Variants in RAB3C observed in about 807,000 individuals in gnomAD.
The protein encoded by RAB3C is ras-related protein Rab-3C.
Under a neutral mutation model 26.4 loss-of-function variants are expected in RAB3C, and 17 were observed. The ratio of observed to expected loss-of-function variants is 0.64; its 90% CI spans 0.44 to 0.97. RAB3C has a LOEUF of 0.97. Ranked by LOEUF, RAB3C falls within the 50% of genes least tolerant of loss-of-function variation. RAB3C has a pLI of 0.00. For synonymous variants in RAB3C, 91 were observed against 95.9 expected (o/e 0.95, Z 0.30); for missense variants, 242 against 281.9 (o/e 0.86, Z 1.01).
intron 2 of RAB3C, among the ~76,000 whole-genome samples, chr5:58,638,824 G>A (rs977554079): frequency 6.6e-6 from 1 of 152,220 alleles, no homozygotes; most frequent in African/African-American, 2.4e-5. Flanking sequence ...TCAAAATATA[G>A]TAACAGGTGT....
At chr5:58,731,172 A>G (rs1741011955) in intron 3 of RAB3C, among the ~76,000 whole-genome samples, 1 of 152,130 alleles carries the variant, frequency 6.6e-6, no homozygotes. Context: ...CAGAGAGAGT[A>G]GCAAGCAGCG....
intron 2 of RAB3C, among the ~76,000 whole-genome samples, chr5:58,717,721 A>T (rs1035394): frequency 0.72 from 109,626 of 152,064 alleles, 40,398 homozygotes; most frequent in African/African-American, 0.88. Flanking sequence ...TAGTGTTTAC[A>T]GATCCATGGG....
intron 1 of RAB3C, among the ~76,000 whole-genome samples, chr5:58,591,010 C>T (rs1746116628): frequency 6.6e-6 from 1 of 152,094 alleles, no homozygotes; most frequent in Admixed American, 6.6e-5. Flanking sequence ...TTTGTTTAAT[C>T]CATGGGTTTA....
intron 3 of RAB3C, among the ~76,000 whole-genome samples, chr5:58,787,610 T>A (rs1742420857): frequency 6.6e-6 from 1 of 152,198 alleles, no homozygotes. Flanking sequence ...TTCCCCTACA[T>A]ACAGACCTTA....
chr5:58,604,085 G>A (rs537755060), intron 1 of RAB3C, among the ~76,000 whole-genome samples: 1 of 152,298 alleles, frequency 6.6e-6, no homozygotes, highest in Admixed American at 6.5e-5. Flanking sequence ...TGTCTTCTGG[G>A]TCTAGCCACC....
intron 2 of RAB3C, among the ~76,000 whole-genome samples, chr5:58,668,729 A>T (rs1561283912): frequency 6.6e-6 from 1 of 151,178 alleles, no homozygotes; most frequent in African/African-American, 2.4e-5. Context: ...TGTTCTAATC[A>T]TTTTTTTTTC....
In RAB3C at chr5:58,857,625, C is replaced by T. The variant is rs1744294747; in HGVS notation, c.*6274C>T. The T allele has an allele frequency of 1.3e-5, 2 of 152,132 alleles. No individual in the cohort carries two copies. Among genetic ancestry groups the T allele is most frequent in the East Asian group, 3.9e-4 (2 of 5,194 alleles). 9.4% of individuals were successfully genotyped at this position (152,132 alleles called of 1,614,324 possible). ...GTTACTCAATCTTGTATTTTATTTA[C>T]AAATTCAACACTGTCAACCCTGGGA... On this transcript the variant is annotated 3_prime_UTR_variant, in exon 5 of 5. Coordinates refer to ENST00000282878, the MANE Select transcript of RAB3C (RefSeq NM_138453.4).
chr5:58,666,464 A>G (rs1203182654), intron 2 of RAB3C, among the ~76,000 whole-genome samples: 1 of 152,206 alleles, frequency 6.6e-6, no homozygotes, highest in Non-Finnish European at 1.5e-5. Context: ...CTCAAATTTG[A>G]GCATAAATGA....
intron 3 of RAB3C, among the ~76,000 whole-genome samples, chr5:58,738,551 T>C (rs1051551898): frequency 6.6e-6 from 1 of 152,200 alleles, no homozygotes; most frequent in Non-Finnish European, 1.5e-5. Context: ...CTTTGTGTTT[T>C]GGTCAACTCA....
At chr5:58,802,637 A>G (rs1356384045) in intron 3 of RAB3C, among the ~76,000 whole-genome samples, 2 of 152,204 alleles carry the variant, frequency 1.3e-5, no homozygotes, top group Non-Finnish European at 2.9e-5. Context: ...TTGATGGGCT[A>G]AGAATCTGTA....
intron 4 of RAB3C, among the ~76,000 whole-genome samples, chr5:58,839,868 T>C (rs1743838633): frequency 1.3e-5 from 2 of 152,002 alleles, no homozygotes; most frequent in Non-Finnish European, 2.9e-5. Flanking sequence ...CTCCATCATT[T>C]CTAAAGGATG....
chr5:58,771,724 G>A (rs1351062599), intron 3 of RAB3C, among the ~76,000 whole-genome samples: 1 of 151,940 alleles, frequency 6.6e-6, no homozygotes, highest in Non-Finnish European at 1.5e-5. Context: ...AGTCTCCAGA[G>A]TTAAGATCTA....
Position 58,783,003 on chromosome 5 carries a change from C to T in RAB3C, c.372-42035C>T, listed in dbSNP as rs778058650. ...CTACCATGTAACCCCTTTTGATTTCCGAGAGATGTGGAATGCAGATCTGTA... is the reference window on the plus strand; with the variant it reads ...CTACCATGTAACCCCTTTTGATTTCTGAGAGATGTGGAATGCAGATCTGTA... On this transcript the variant is annotated intron_variant, in intron 3 of 4. Transcript: ENST00000282878. 1.1e-4 allele frequency among the ~76,000 whole-genome samples: 16 copies of T among 151,690 alleles called. No individual in the cohort carries two copies. In the East Asian group the frequency reaches 2.1e-3, roughly 20 times the overall value.
intron 3 of RAB3C, among the ~76,000 whole-genome samples, chr5:58,810,844 G>A (rs1214226038): frequency 1.3e-5 from 2 of 152,082 alleles, no homozygotes; most frequent in Non-Finnish European, 2.9e-5. Flanking sequence ...TGATCCACCC[G>A]CCTTGGCATC....
chr5:58,819,439 A>G (rs1448894345), intron 3 of RAB3C, among the ~76,000 whole-genome samples: 3 of 152,182 alleles, frequency 2.0e-5, no homozygotes, highest in African/African-American at 7.2e-5. Flanking sequence ...CAACTCATGG[A>G]GTTTATACTT....
intron 3 of RAB3C, among the ~76,000 whole-genome samples, chr5:58,813,745 A>C (rs1240389022): frequency 6.6e-6 from 1 of 152,042 alleles, no homozygotes; most frequent in East Asian, 1.9e-4. Context: ...GGGACCAGTA[A>C]GATGTTGCAT....
chr5:58,714,694 A>C (rs888440868), intron 2 of RAB3C, among the ~76,000 whole-genome samples: 3 of 152,112 alleles, frequency 2.0e-5, no homozygotes, highest in African/African-American at 7.2e-5. Context: ...AATGAAGTTA[A>C]AGATATTGCT....
intron 1 of RAB3C, among the ~76,000 whole-genome samples, chr5:58,589,845 T>G (rs1746091901): frequency 6.6e-6 from 1 of 152,134 alleles, no homozygotes; most frequent in Admixed American, 6.6e-5. Flanking sequence ...CTCATTGAAT[T>G]TAGAGTGTTG....
At chr5:58,720,926 CA>C (rs1740734345) in intron 2 of RAB3C, among the ~76,000 whole-genome samples, 1 of 151,820 alleles carries the variant, frequency 6.6e-6, no homozygotes, top group African/African-American at 2.4e-5. Flanking sequence ...TCCTACCTTA[CA>C]AATGACTGCT....
Sources: allele counts gnomAD v4.1 joint callset (sites outside exome capture counted in the v4.1 genomes callset), GRCh38; gene constraint gnomAD v4.1.1; transcripts MANE v1.5; gene names NCBI Gene and HGNC (gene_info 2026-07-23, HGNC 2026-07-21).